Variants in EHF observed in about 807,000 individuals in gnomAD.
EHF encodes ETS homologous factor.
A neutral mutation model predicts 45.1 loss-of-function variants in EHF; 14 were observed. That is an observed-to-expected ratio of 0.31 (90% CI 0.21 to 0.49). The LOEUF is 0.49. EHF is among the 20% of genes least tolerant of loss of function. The pLI, the probability that EHF is intolerant of heterozygous loss-of-function variation, is 0.99. For missense variants in EHF, 282 were observed against 371.4 expected (o/e 0.76, Z 1.98); for synonymous variants, 136 against 131.8 (o/e 1.03, Z -0.22).
In EHF at chr11:34,651,794, A is replaced by T; in HGVS notation, c.533A>T (p.His178Leu). The change falls in exon 6 of 9, where the codon CAC becomes CTC. Residue 178 changes from histidine to leucine, a missense_variant. Physicochemically the swap from His to Leu is moderately conservative, Grantham distance 99 (BLOSUM62 -3). Around this residue, in one of 3 missense-constraint regions of EHF, gnomAD observed 213 missense variants for 247.3 expected, o/e 0.86. Transcript: ENST00000257831. ...RAQISMTTTS[H>L]LPVAESPDMK... is the part of the protein sequence containing the mutation. ...CAGATCTCCATGACAACCACCAGTC[A>T]CCTTCCTGTTGGTAAGCTGTCATCA... 2.5e-6 allele frequency: 4 copies of T among 1,613,808 alleles called. No homozygotes were observed. The highest frequency in any genetic ancestry group is 3.4e-6 in the Non-Finnish European group (4 of 1,179,878).
chr11:34,634,527 A>C (rs542721410), intron 1 of EHF, among the ~76,000 whole-genome samples: 4 of 152,282 alleles, frequency 2.6e-5, no homozygotes, highest in Admixed American at 2.0e-4. Context: ...CAGGGAATGC[A>C]GGTGCAAGCC....
intron 1 of EHF, among the ~76,000 whole-genome samples, chr11:34,637,572 G>T (rs1435078040): frequency 1.3e-5 from 2 of 152,216 alleles, no homozygotes; most frequent in Non-Finnish European, 2.9e-5. Flanking sequence ...TTTTAGGGGA[G>T]CTTATGGCAC....
chr11:34,628,721 C>T (rs566653408), intron 1 of EHF, among the ~76,000 whole-genome samples: 1 of 152,230 alleles, frequency 6.6e-6, no homozygotes, highest in South Asian at 2.1e-4. Context: ...TCCCAATGAC[C>T]TCAGGAGGTA....
chr11:34,643,983 C>T (rs1854272850), intron 2 of EHF, among the ~76,000 whole-genome samples: 1 of 152,190 alleles, frequency 6.6e-6, no homozygotes, highest in East Asian at 1.9e-4. Context: ...AAAAGGAGAT[C>T]AGTTGAATGG....
chr11:34,660,436 T>A lies in EHF; in HGVS notation c.*1505T>A, dbSNP rs541119807. ...TGCCTAGATTTGTACTCAGAGGAATTTTTTTTGTTTTGTTTTGTCTTTTAA... is the reference window on the plus strand; with the variant it reads ...TGCCTAGATTTGTACTCAGAGGAATATTTTTTGTTTTGTTTTGTCTTTTAA... On this transcript the variant is annotated 3_prime_UTR_variant, in exon 9 of 9. Coordinates refer to ENST00000257831, the MANE Select transcript of EHF (RefSeq NM_012153.6). 1 of 152,088 alleles carries A rather than the reference T, an allele frequency of 6.6e-6. No homozygotes were observed. Among genetic ancestry groups the A allele is most frequent in the Non-Finnish European group, 1.5e-5 (1 of 67,978 alleles). The allele number at this position is 152,088 out of a possible 1,614,324, so 9.4% of individuals were successfully genotyped here. A position where few individuals can be genotyped will look rare whatever the true frequency, so the allele number is the denominator to read the frequency against.
chr11:34,648,928 C>G lies in EHF; in HGVS notation c.344-91C>G, dbSNP rs1175483027. On this transcript the variant is annotated intron_variant, in intron 3 of 8. Transcript: ENST00000257831. ...TGACCAGGCAGTAGGATGGCAGAAG[C>G]TCTGCAAAGATGCCAGTTCTGTCCT... The G allele has an allele frequency of 2.4e-6, 3 of 1,233,324 alleles. No homozygotes were observed. In the South Asian group the frequency reaches 4.2e-5, roughly 17 times the overall value. 76.4% of individuals were successfully genotyped at this position (1,233,324 alleles called of 1,614,324 possible).
chr11:34,651,635 G>A (rs1173145782), intron 5 of EHF, 25 bp downstream of exon 5: 1 of 1,610,308 alleles, frequency 6.2e-7, no homozygotes, highest in East Asian at 2.2e-5. Context: ...GACACTTAAG[G>A]CCCTTTACAT....
At chr11:34,631,898 A>G (rs1240718466) in intron 1 of EHF, among the ~76,000 whole-genome samples, 1 of 152,156 alleles carries the variant, frequency 6.6e-6, no homozygotes, top group African/African-American at 2.4e-5. Context: ...GCCCTTGTTA[A>G]TCTGATTCAT....
At chr11:34,635,394 G>A (rs1853284956) in intron 1 of EHF, among the ~76,000 whole-genome samples, 1 of 150,628 alleles carries the variant, frequency 6.6e-6, no homozygotes, top group South Asian at 2.1e-4. Flanking sequence ...AGTGGCCCAG[G>A]GTTTTTTCTT....
intron 2 of EHF, among the ~76,000 whole-genome samples, chr11:34,644,650 T>C (rs749655080): frequency 3.9e-5 from 6 of 152,256 alleles, no homozygotes; most frequent in African/African-American, 9.6e-5. Flanking sequence ...GGATTCTGAA[T>C]GAATGAGGAA....
chr11:34,648,284 G>C (rs1239888221), intron 3 of EHF, among the ~76,000 whole-genome samples: 1 of 152,066 alleles, frequency 6.6e-6, no homozygotes, highest in African/African-American at 2.4e-5. Flanking sequence ...CATGGCTTCT[G>C]TTCTTGAGAT....
chr11:34,646,503 G>T lies in EHF; in HGVS notation c.162G>T (p.Gln54His), dbSNP rs1417109752. The stretch of plus-strand genomic sequence containing the variant: ...ATCCTCAGTACTGGACCAAGTACCA[G>T]GTGTGGGAGTGGCTCCAGCACCTCC... Reference protein sequence around the residue: ...EIHPQYWTKYQVWEWLQHLLD... With the variant: ...EIHPQYWTKYHVWEWLQHLLD... The change falls in exon 3 of 9, where the codon CAG (glutamine) becomes CAT (histidine). Residue 54 changes from glutamine (Q) to histidine (H), a missense_variant. Coordinates refer to ENST00000257831, the MANE Select transcript of EHF (RefSeq NM_012153.6). The T allele has an allele frequency of 5.6e-6, 9 of 1,614,016 alleles. No individual in the cohort carries two copies. Among genetic ancestry groups the T allele is most frequent in the Admixed American group, 1.7e-5 (1 of 59,996 alleles).
intron 1 of EHF, among the ~76,000 whole-genome samples, chr11:34,623,767 C>G (rs1183650028): frequency 2.0e-5 from 3 of 152,108 alleles, no homozygotes; most frequent in Non-Finnish European, 4.4e-5. Flanking sequence ...ATATCTTTCC[C>G]ATGCCCCCGA....
At chr11:34,647,083 A>ACCCCCCCCCCC (rs1335937029) in intron 3 of EHF, among the ~76,000 whole-genome samples, 2 of 138,904 alleles carry the variant, frequency 1.4e-5, no homozygotes, top group African/African-American at 5.7e-5. Flanking sequence ...AACAAAACAA[A>ACCCCCCCCCCC]ACCCCCCCCA....
chr11:34,656,933 G>A lies in EHF; in HGVS notation c.570G>A (p.Glu190=), dbSNP rs1465777639. The change falls in exon 7 of 9, where the codon GAG becomes GAA. Residue 190 remains glutamate, a synonymous_variant. Coordinates refer to ENST00000257831, the MANE Select transcript of EHF (RefSeq NM_012153.6). ...CAGAGTCACCTGATATGAAAAAGGA[G>A]CAAGACCCCCCTGCCAAGTGCCACA... The part of the protein sequence containing the change: ...PVAESPDMKK[E]QDPPAKCHTK... 5 of 1,613,674 alleles carry A rather than the reference G, an allele frequency of 3.1e-6. No homozygotes were observed. Among genetic ancestry groups the A allele is most frequent in the Non-Finnish European group, 4.2e-6 (5 of 1,179,804 alleles).
At chr11:34,647,004 C>A in intron 3 of EHF, 3 of 358,920 alleles carry the variant, frequency 8.4e-6, no homozygotes, top group African/African-American at 2.2e-5. Flanking sequence ...CCTTTGCAAA[C>A]AGTCCAGTCA....
intron 2 of EHF, among the ~76,000 whole-genome samples, chr11:34,645,192 C>T (rs190604351): frequency 1.1e-4 from 16 of 152,198 alleles, no homozygotes; most frequent in Non-Finnish European, 1.6e-4. Flanking sequence ...TTTCCATTGC[C>T]GCAGAACTTC....
At chr11:34,642,536 A>T in intron 1 of EHF, 92 bp from the exon 2 acceptor site, 1 of 815,502 alleles carries the variant, frequency 1.2e-6, no homozygotes, top group Non-Finnish European at 2.1e-6. Context: ...AATTCTCTTT[A>T]TTTTCTTCCT....
At chr11:34,623,484 C>T (rs866313441) in intron 1 of EHF, among the ~76,000 whole-genome samples, 9 of 152,172 alleles carry the variant, frequency 5.9e-5, no homozygotes, top group East Asian at 5.8e-4. Flanking sequence ...TTCCCACTCG[C>T]GATTCCATGT....
Sources: allele counts gnomAD v4.1 joint callset (sites outside exome capture counted in the v4.1 genomes callset), GRCh38; gene constraint gnomAD v4.1.1; regional missense constraint gnomAD v4.1.1; transcripts MANE v1.5; gene names NCBI Gene and HGNC (gene_info 2026-07-23, HGNC 2026-07-21).